The following SLC35E1 variants were observed in gnomAD, a reference collection of about 807,000 sequenced individuals.
The protein encoded by SLC35E1 is solute carrier family 35, member E1.
A neutral mutation model predicts 31.0 loss-of-function variants in SLC35E1; 12 were observed. That is an observed-to-expected ratio of 0.39 (90% CI 0.25 to 0.63). SLC35E1 has a LOEUF of 0.63. SLC35E1 is among the 20% of genes least tolerant of loss of function. The pLI, the probability that SLC35E1 is intolerant of heterozygous loss-of-function variation, is 0.52. For synonymous variants in SLC35E1, 257 were observed against 264.1 expected (o/e 0.97, Z 0.26); for missense variants, 429 against 572.2 (o/e 0.75, Z 2.55).
chr19:16,555,478 G>A lies in SLC35E1; in HGVS notation c.757-81C>T, dbSNP rs2085871357. ...CCCTGTATCCACCTGGCAGGGTTAG[G>A]GGAAGGGATGTGGAGGGGCTCATCT... On this transcript the variant is annotated intron_variant, in intron 4 of 5. Transcript: ENST00000595753. This position sits in a 1 kb window ranked among gnomAD's most constrained non-coding sequence, Gnocchi z 4.1. 11 of 1,551,996 alleles carry A rather than the reference G, an allele frequency of 7.1e-6. No individual in the cohort carries two copies. The highest frequency in any genetic ancestry group is 4.7e-4 in the Middle Eastern group (2 of 4,246).
intron 4 of SLC35E1, among the ~76,000 whole-genome samples, chr19:16,557,349 G>A (rs11882593): frequency 4.5e-4 from 68 of 151,522 alleles, no homozygotes; most frequent in Non-Finnish European, 6.5e-4. Context: ...GCCCGCCACC[G>A]CGCCCGGCTA....
intron 2 of SLC35E1, among the ~76,000 whole-genome samples, chr19:16,569,178 C>T (rs1286603879): frequency 6.6e-6 from 1 of 152,182 alleles, no homozygotes; most frequent in African/African-American, 2.4e-5. Context: ...GTGCCTACCA[C>T]CACGCCCAAC....
At chr19:16,553,958 GC>G (rs1380844221) in intron 5 of SLC35E1, 49 bp from the exon 6 acceptor site, 1 of 1,481,242 alleles carries the variant, frequency 6.8e-7, no homozygotes, top group Non-Finnish European at 9.1e-7. Flanking sequence ...GGGCATAAGA[GC>G]TCGTAATTCA....
rs2085846363 is a variant in SLC35E1, at chr19:16,551,734, C to G, written c.*1945G>C. On this transcript the variant is annotated 3_prime_UTR_variant, in exon 6 of 6. Transcript: ENST00000595753. ...TCATATTCCTTATGTTGATTTCTGC[C>G]AAGACCCAAACTGATTCCTTTTTTT... 1 of 151,618 alleles carries G rather than the reference C, an allele frequency of 6.6e-6. No homozygotes were observed. Among genetic ancestry groups the G allele is most frequent in the Admixed American group, 6.6e-5 (1 of 15,128 alleles). 9.4% of individuals were successfully genotyped at this position (151,618 alleles called of 1,614,324 possible).
At chr19:16,561,213 C>CAAAAAAAAAAAAAAAAAAAAAAAA (rs59176175) in intron 4 of SLC35E1, among the ~76,000 whole-genome samples, 42 of 24,752 alleles carry the variant, frequency 1.7e-3, no homozygotes, top group South Asian at 3.8e-3. Flanking sequence ...GACTCCATCT[C>CAAAAAAAAAAAAAAAAAAAAAAAA]AAAAAAAAAA....
chr19:16,555,658 G>C lies in SLC35E1; in HGVS notation c.757-261C>G. ...AACAGGTGAAGCCAGGTCCCCAAAGGGCACCAAGCAAGACGTAAGCCAAAG... is the reference window on the plus strand; with the variant it reads ...AACAGGTGAAGCCAGGTCCCCAAAGCGCACCAAGCAAGACGTAAGCCAAAG... On this transcript the variant is annotated intron_variant, in intron 4 of 5. Transcript: ENST00000595753. This position sits in a 1 kb window ranked among gnomAD's most constrained non-coding sequence, Gnocchi z 4.1. 2.1e-6 allele frequency: 1 copy of C among 466,522 alleles called. No individual in the cohort carries two copies. Among genetic ancestry groups the C allele is most frequent in the South Asian group, 2.5e-5 (1 of 39,686 alleles). 28.9% of individuals were successfully genotyped at this position (466,522 alleles called of 1,614,324 possible). A position where few individuals can be genotyped will look rare whatever the true frequency, so the allele number is the denominator to read the frequency against.
chr19:16,572,224 GACC>G lies in SLC35E1; in HGVS notation c.138_140del (p.Val47del), dbSNP rs1385191706. 2.0e-6 allele frequency: 3 copies of G among 1,527,304 alleles called. No homozygotes were observed. The highest frequency in any genetic ancestry group is 2.6e-6 in the Non-Finnish European group (3 of 1,136,380). The allele number at this position is 1,527,304 out of a possible 1,614,324, so 94.6% of individuals were successfully genotyped here. On this transcript the variant is annotated inframe_deletion, in exon 1 of 6. Transcript: ENST00000595753. This position sits in a 1 kb window ranked among gnomAD's most constrained non-coding sequence, Gnocchi z 4.1. ...GGAAGGCGCTCAGGATCACCTTGTT[GACC>G]ACGTTGCCGCCCGCGCTCAGCGCGT...
At chr19:16,567,128 A>C (rs60207134) in intron 3 of SLC35E1, among the ~76,000 whole-genome samples, 2,035 of 152,338 alleles carry the variant, frequency 0.013, 46 homozygotes, top group African/African-American at 0.047. Flanking sequence ...TTTCCAATAG[A>C]GAGACTGCAT....
rs372251083 is a variant in SLC35E1 at position 16,559,515 on chromosome 19, T to C, written c.757-4118A>G. On this transcript the variant is annotated intron_variant, in intron 4 of 5. Transcript: ENST00000595753. ...ACACACACACAGAGTTAACCAGATA[T>C]GCTGGTGTGAACGTGTAGTCCCAGC... is the stretch of plus-strand genomic sequence containing the variant. Among the ~76,000 whole-genome samples, 7 of 138,196 alleles carry C rather than the reference T, an allele frequency of 5.1e-5. No individual in the cohort carries two copies. In the East Asian group the frequency reaches 1.0e-3, roughly 20 times the overall value. The allele number at this position is 138,196 out of a possible 152,430, so 90.7% of individuals were successfully genotyped here. A position where few individuals can be genotyped will look rare whatever the true frequency, so the allele number is the denominator to read the frequency against.
At chr19:16,560,533 A>G (rs2085899289) in intron 4 of SLC35E1, among the ~76,000 whole-genome samples, 1 of 152,140 alleles carries the variant, frequency 6.6e-6, no homozygotes, top group Non-Finnish European at 1.5e-5. Flanking sequence ...GAGCCTGGGA[A>G]GCAAGAGATG....
chr19:16,554,820 G>GAAAAA (rs59402960), intron 5 of SLC35E1, among the ~76,000 whole-genome samples: 20 of 60,058 alleles, frequency 3.3e-4, no homozygotes, highest in Admixed American at 8.1e-4. Flanking sequence ...ACTCCATCTC[G>GAAAAA]AAAAAAAAAA....
At chr19:16,553,973 T>A in intron 5 of SLC35E1, 64 bp from the exon 6 acceptor site, 1 of 1,417,626 alleles carries the variant, frequency 7.1e-7, no homozygotes, top group Non-Finnish European at 9.5e-7. Flanking sequence ...TAATTCAAAG[T>A]CAATCAACTG....
Position 16,555,496 on chromosome 19 carries a change from GC to G in SLC35E1, c.757-100del. The G allele has an allele frequency of 1.3e-6, 2 of 1,491,740 alleles. No individual in the cohort carries two copies. The highest frequency in any genetic ancestry group is 2.6e-5 in the South Asian group (2 of 76,586). The allele number at this position is 1,491,740 out of a possible 1,614,324, so 92.4% of individuals were successfully genotyped here. A position where few individuals can be genotyped will look rare whatever the true frequency, so the allele number is the denominator to read the frequency against. Reference sequence around the variant, plus strand: ...GGGTTAGGGGAAGGGATGTGGAGGGGCTCATCTGGAGCCTCATGGTCCACAG... The same window carrying G: ...GGGTTAGGGGAAGGGATGTGGAGGGGTCATCTGGAGCCTCATGGTCCACAG... On this transcript the variant is annotated intron_variant, in intron 4 of 5. Transcript: ENST00000595753. The surrounding 1 kb of genome is among the most constrained non-coding windows in gnomAD (Gnocchi z 4.1).
rs1419688824 is a variant in SLC35E1 at position 16,551,087 on chromosome 19, C to T, written c.*2592G>A. ...ATAGACAACTCCCGTAATATCTCCG[C>T]AGTGCAAAATTATCCCTGTTTCTTG... is the stretch of plus-strand genomic sequence containing the variant. On this transcript the variant is annotated 3_prime_UTR_variant, in exon 6 of 6. Transcript: ENST00000595753. The T allele has an allele frequency of 6.6e-6, 1 of 152,192 alleles. No homozygotes were observed. Among genetic ancestry groups the T allele is most frequent in the Non-Finnish European group, 1.5e-5 (1 of 68,032 alleles). 9.4% of individuals were successfully genotyped at this position (152,192 alleles called of 1,614,324 possible). A position where few individuals can be genotyped will look rare whatever the true frequency, so the allele number is the denominator to read the frequency against.
intron 4 of SLC35E1, among the ~76,000 whole-genome samples, chr19:16,563,520 T>C (rs1469645176): frequency 6.6e-6 from 1 of 152,144 alleles, no homozygotes; most frequent in Non-Finnish European, 1.5e-5. Context: ...CTTCTTCTTT[T>C]TTTTTATTTT....
At chr19:16,558,883 C>T (rs1189213146) in intron 4 of SLC35E1, among the ~76,000 whole-genome samples, 4 of 151,436 alleles carry the variant, frequency 2.6e-5, no homozygotes, top group African/African-American at 9.7e-5. Context: ...AGTTCTCCTG[C>T]CTCAGCCTTC....
chr19:16,557,837 G>A (rs1031884796), intron 4 of SLC35E1, among the ~76,000 whole-genome samples: 4 of 151,852 alleles, frequency 2.6e-5, no homozygotes, highest in Non-Finnish European at 4.4e-5. Flanking sequence ...GTTTTGAGAC[G>A]GAGTCTTGCT....
In SLC35E1 at chr19:16,572,348, A is replaced by T. The variant is rs1036482002; in HGVS notation, c.17T>A (p.Val6Glu). Residue 6 changes from valine to glutamate, a missense_variant, in exon 1 of 6, where the codon GTG (valine) becomes GAG (glutamate). Val to Glu is a moderately radical substitution (Grantham distance 121, BLOSUM62 -2). Coordinates refer to ENST00000595753, the MANE Select transcript of SLC35E1 (RefSeq NM_024881.5). The surrounding 1 kb of genome is among the most constrained non-coding windows in gnomAD (Gnocchi z 4.1). Reference protein sequence around the residue: MAAAAVGAGHGAGGPG... With the variant: MAAAAEGAGHGAGGPG... ...GCCCCCCGCGCCGTGGCCCGCGCCC[A>T]CCGCGGCCGCCGCCATCCTGCCCGA... 9.6e-7 allele frequency: 1 copy of T among 1,045,158 alleles called. No homozygotes were observed. Among genetic ancestry groups the T allele is most frequent in the Non-Finnish European group, 1.2e-6 (1 of 865,722 alleles). 64.7% of individuals were successfully genotyped at this position (1,045,158 alleles called of 1,614,324 possible).
Position 16,551,158 on chromosome 19 carries a change from G to A in SLC35E1, c.*2521C>T, listed in dbSNP as rs2085843260. ...TCCAACTGCAGACTTGACTGCCTTC[G>A]GTGAAGGCACACGGCAAGTTCTTCT... On this transcript the variant is annotated 3_prime_UTR_variant, in exon 6 of 6. Coordinates refer to ENST00000595753, the MANE Select transcript of SLC35E1 (RefSeq NM_024881.5). 2 of 152,142 alleles carry A rather than the reference G, an allele frequency of 1.3e-5. No individual in the cohort carries two copies. Among genetic ancestry groups the A allele is most frequent in the South Asian group, 2.1e-4 (1 of 4,824 alleles). The allele number at this position is 152,142 out of a possible 1,614,324, so 9.4% of individuals were successfully genotyped here.
Sources: gnomAD v4.1 joint callset for allele counts (sites outside exome capture counted in the v4.1 genomes callset) on GRCh38, gnomAD v4.1.1 for gene constraint, Gnocchi (gnomAD v3.1) non-coding constraint, MANE v1.5 for transcripts, NCBI Gene and HGNC (gene_info 2026-07-23, HGNC 2026-07-21) for gene names.